The following SLC35F3 variants were observed in gnomAD, a reference collection of about 807,000 sequenced individuals.
The protein encoded by SLC35F3 is solute carrier family 35 member F3.
Under a neutral mutation model 49.9 loss-of-function variants are expected in SLC35F3, and 25 were observed. That is an observed-to-expected ratio of 0.50 (90% CI 0.37 to 0.70). The LOEUF is 0.70. SLC35F3 is among the 30% of genes least tolerant of loss of function. The probability of loss-of-function intolerance (pLI) is 0.00; values close to 1 mark genes in which losing one functional copy is unlikely to be tolerated. For synonymous variants in SLC35F3, 275 were observed against 265.4 expected, an observed-to-expected ratio of 1.04 and a Z score of -0.35; for missense variants, 525 against 639.8, an observed-to-expected ratio of 0.82 and a Z score of 1.94.
chr1:234,200,097 TA>T lies in SLC35F3; in HGVS notation c.284-31319del, dbSNP rs575649677. 3.3e-5 allele frequency among the ~76,000 whole-genome samples: 5 copies of T among 152,296 alleles called. No individual in the cohort carries two copies. The South Asian group carries it at 1.0e-3, about 32-fold the overall frequency. ...ATGGAGGTTCCTTCAAATCTAAAAA[TA>T]GAACTACCATATGATCCAGTAACCC... is the stretch of plus-strand genomic sequence containing the variant. On this transcript the variant is annotated intron_variant, in intron 2 of 7. Coordinates refer to ENST00000366618, the MANE Select transcript of SLC35F3 (RefSeq NM_173508.4).
chr1:234,161,055 C>A (rs1397581620), intron 2 of SLC35F3, among the ~76,000 whole-genome samples: 2 of 152,206 alleles, frequency 1.3e-5, no homozygotes, highest in African/African-American at 4.8e-5. Context: ...AGGCTCCAGA[C>A]ACTGCAGCTG....
At chr1:234,024,998 T>C (rs925605583) in intron 2 of SLC35F3, among the ~76,000 whole-genome samples, 15 of 151,984 alleles carry the variant, frequency 9.9e-5, no homozygotes, top group African/African-American at 3.6e-4. Context: ...TAGTCCCCAG[T>C]GTCTATTGTT....
rs146346750 is a variant in SLC35F3 at position 234,093,532 on chromosome 1, G to A, written c.284-137885G>A. Among the ~76,000 whole-genome samples, 674 of 152,258 alleles carry A rather than the reference G, an allele frequency of 4.4e-3. 6 individuals are homozygous for A. Among genetic ancestry groups the A allele is most frequent in the African/African-American group, 0.015 (625 of 41,550 alleles). ...AGACCAAGGCCTTTTCTTCCTATAG[G>A]TTTTCTCCTAAAATTGCTTCAAGTC... is the stretch of plus-strand genomic sequence containing the variant. On this transcript the variant is annotated intron_variant, in intron 2 of 7. Transcript: ENST00000366618.
chr1:234,111,321 C>T lies in SLC35F3; in HGVS notation c.284-120096C>T, dbSNP rs147024741. 3.2e-3 allele frequency among the ~76,000 whole-genome samples: 489 copies of T among 152,136 alleles called. 3 individuals are homozygous for T. The highest frequency in any genetic ancestry group is 0.011 in the African/African-American group (469 of 41,526). On this transcript the variant is annotated intron_variant, in intron 2 of 7. Coordinates refer to ENST00000366618, the MANE Select transcript of SLC35F3 (RefSeq NM_173508.4). ...TGTTTTGTTTTATGAGACGGAGTTT[C>T]GCTCTTTTTGCCCAGGCTGGAGTGT...
At chr1:234,037,475 A>G (rs893051978) in intron 2 of SLC35F3, among the ~76,000 whole-genome samples, 1 of 152,222 alleles carries the variant, frequency 6.6e-6, no homozygotes, top group Non-Finnish European at 1.5e-5. Flanking sequence ...TATGCAAACT[A>G]TATCACTATT....
chr1:234,150,928 A>G (rs901649627), intron 2 of SLC35F3, among the ~76,000 whole-genome samples: 2 of 152,178 alleles, frequency 1.3e-5, no homozygotes, highest in Non-Finnish European at 2.9e-5. Flanking sequence ...TGCCATCAGG[A>G]ATTCCCAGGA....
chr1:234,162,380 GCAAAAAAAAA>G (rs1666241591), intron 2 of SLC35F3, among the ~76,000 whole-genome samples: 1 of 48,688 alleles, frequency 2.1e-5, no homozygotes, highest in African/African-American at 1.2e-4. Context: ...AAGCCTCTGT[GCAAAAAAAAA>G]AAAAAAAAAA....
chr1:234,282,569 T>C (rs1668345966), intron 3 of SLC35F3, among the ~76,000 whole-genome samples: 1 of 152,170 alleles, frequency 6.6e-6, no homozygotes. Context: ...ACCAGGTGTG[T>C]CTCCCTCAAC....
chr1:234,221,503 G>A (rs1036488356), intron 2 of SLC35F3, among the ~76,000 whole-genome samples: 5 of 152,228 alleles, frequency 3.3e-5, no homozygotes, highest in Non-Finnish European at 7.3e-5. Flanking sequence ...GAAGCTAAGG[G>A]AGCTGTGCTG....
intron 2 of SLC35F3, among the ~76,000 whole-genome samples, chr1:234,210,416 GA>G (rs767570285): frequency 2.0e-5 from 3 of 152,220 alleles, no homozygotes; most frequent in Non-Finnish European, 2.9e-5. Context: ...GGGCTCAGAA[GA>G]AGATAAGAAA....
At chr1:233,915,545 GT>G (rs199851669) in intron 2 of SLC35F3, among the ~76,000 whole-genome samples, 197 of 151,248 alleles carry the variant, frequency 1.3e-3, no homozygotes, top group African/African-American at 4.4e-3. Context: ...GCAAATTCTT[GT>G]TTTTTTTTAA....
At chr1:234,059,448 G>T (rs1299771544) in intron 2 of SLC35F3, among the ~76,000 whole-genome samples, 1 of 150,904 alleles carries the variant, frequency 6.6e-6, no homozygotes, top group Non-Finnish European at 1.5e-5. Flanking sequence ...GGTTATTTAA[G>T]ACTATTTTAT....
chr1:234,060,911 T>A (rs1664529964), intron 2 of SLC35F3, among the ~76,000 whole-genome samples: 1 of 152,254 alleles, frequency 6.6e-6, no homozygotes. Context: ...CAATATATTC[T>A]ATTTCTATGT....
chr1:234,171,791 A>G (rs1015641251), intron 2 of SLC35F3, among the ~76,000 whole-genome samples: 5 of 152,242 alleles, frequency 3.3e-5, no homozygotes, highest in Admixed American at 3.3e-4. Context: ...AGAATAATAT[A>G]TAGTTGCAAA....
chr1:234,323,332 C>T lies in SLC35F3; in HGVS notation c.*89C>T, dbSNP rs919128279. On this transcript the variant is annotated 3_prime_UTR_variant, in exon 8 of 8. Coordinates refer to ENST00000366618, the MANE Select transcript of SLC35F3 (RefSeq NM_173508.4). This position sits in a 1 kb window ranked among gnomAD's most constrained non-coding sequence, Gnocchi z 4.5. ...GTTGGGTAAGGTGTACATACCTGTA[C>T]AGTTTTGGTCATCTGCGGTAAGTTC... 20 of 1,142,654 alleles carry T rather than the reference C, an allele frequency of 1.8e-5. No homozygotes were observed. Among genetic ancestry groups the T allele is most frequent in the Non-Finnish European group, 2.5e-5 (20 of 800,244 alleles). The allele number at this position is 1,142,654 out of a possible 1,614,324, so 70.8% of individuals were successfully genotyped here. A position where few individuals can be genotyped will look rare whatever the true frequency, so the allele number is the denominator to read the frequency against.
chr1:234,105,139 A>AAC (rs1558230535), intron 2 of SLC35F3, among the ~76,000 whole-genome samples: 19 of 152,108 alleles, frequency 1.2e-4, no homozygotes, highest in African/African-American at 4.6e-4. Context: ...AAAAAAAAAA[A>AAC]AAAACCTTTG....
chr1:234,290,620 G>A (rs767515396), intron 3 of SLC35F3, among the ~76,000 whole-genome samples: 7 of 152,158 alleles, frequency 4.6e-5, no homozygotes, highest in Admixed American at 6.5e-5. Flanking sequence ...CTCCATTTCC[G>A]TCCCCCACCC....
Position 234,010,608 on chromosome 1 carries a change from C to T in SLC35F3, c.283+104850C>T, listed in dbSNP as rs79611558. Among the ~76,000 whole-genome samples, 1,222 of 152,222 alleles carry T rather than the reference C, an allele frequency of 8.0e-3. 11 individuals carry two copies. Among genetic ancestry groups the T allele is most frequent in the Middle Eastern group, 0.014 (4 of 294 alleles). ...AACTTTATGCTGCCTATAAGAGACT[C>T]ATCTCACTTTTGAGGTGATATGTCC... On this transcript the variant is annotated intron_variant, in intron 2 of 7. Coordinates refer to ENST00000366618, the MANE Select transcript of SLC35F3 (RefSeq NM_173508.4).
At position 234,102,854 on chromosome 1, in the gene SLC35F3, A is replaced by C. The variant is rs187899864; in HGVS notation, c.284-128563A>C. Among the ~76,000 whole-genome samples, 79 of 152,336 alleles carry C rather than the reference A, an allele frequency of 5.2e-4. 1 individual carries two copies. The highest frequency in any genetic ancestry group is 1.1e-3 in the Non-Finnish European group (73 of 68,020). The stretch of plus-strand genomic sequence containing the variant: ...AGCACTTGGCAGGAAACACACACAG[A>C]TGGCTAACCAAGTTCATTATCCACT... On this transcript the variant is annotated intron_variant, in intron 2 of 7. Transcript: ENST00000366618.
Sources: gnomAD v4.1 joint callset for allele counts (sites outside exome capture counted in the v4.1 genomes callset) on GRCh38, gnomAD v4.1.1 for gene constraint, Gnocchi (gnomAD v3.1) non-coding constraint, MANE v1.5 for transcripts, NCBI Gene and HGNC (gene_info 2026-07-23, HGNC 2026-07-21) for gene names.